Variants in SLC39A11 observed in about 807,000 individuals in gnomAD.
SLC39A11 encodes solute carrier family 39 member 11.
In SLC39A11, 33 loss-of-function variants were observed where a neutral mutation model predicts 36.1. The ratio of observed to expected loss-of-function variants is 0.91; its 90% CI spans 0.69 to 1.22. SLC39A11 has a LOEUF of 1.22. SLC39A11 is among the 50% of genes most tolerant of loss of function. SLC39A11 has a pLI of 0.00. For missense variants in SLC39A11, 432 were observed against 430.3 expected (o/e 1.00, Z -0.03); for synonymous variants, 166 against 170.3 (o/e 0.97, Z 0.20).
In SLC39A11 at chr17:73,076,980, C is replaced by T. The variant is rs376231399; in HGVS notation, c.147+7828G>A. Among the ~76,000 whole-genome samples the T allele has an allele frequency of 9.6e-4, 146 of 152,042 alleles. 5 individuals carry two copies. The South Asian group carries it at 0.026, about 27-fold the overall frequency. ...GCAGGATGTTAAGTAGCATCCCTGG[C>T]CTCTACCCACTAGATACCCACGTGG... On this transcript the variant is annotated intron_variant, in intron 3 of 9. Transcript: ENST00000255559.
rs950440375 is a variant in SLC39A11 at position 72,655,956 on chromosome 17, C to T, written c.672-6688G>A. Among the ~76,000 whole-genome samples the T allele has an allele frequency of 3.3e-5, 5 of 152,112 alleles. No homozygotes were observed. The South Asian group carries it at 6.2e-4, about 19-fold the overall frequency. On this transcript the variant is annotated intron_variant, in intron 7 of 9. Coordinates refer to ENST00000255559, the MANE Select transcript of SLC39A11 (RefSeq NM_139177.4). ...GGGCAGCCTCCCGGGGGGCTGGTGG[C>T]GTGGAGGATGCCCCAGGCTCACCAG...
At chr17:73,080,421 T>C (rs9903673) in intron 3 of SLC39A11, among the ~76,000 whole-genome samples, 45,738 of 152,082 alleles carry the variant, frequency 0.3, 7,186 homozygotes, top group Middle Eastern at 0.49. Flanking sequence ...CTGGGATCAT[T>C]GGAAAGCCAC....
chr17:72,687,966 C>T (rs559081989), intron 7 of SLC39A11, among the ~76,000 whole-genome samples: 12 of 152,318 alleles, frequency 7.9e-5, no homozygotes, highest in East Asian at 5.8e-4. Flanking sequence ...TGACAGCCAA[C>T]GACACCAGAG....
chr17:72,942,294 C>A (rs1335245640), intron 5 of SLC39A11, among the ~76,000 whole-genome samples: 5 of 151,918 alleles, frequency 3.3e-5, no homozygotes, highest in African/African-American at 1.2e-4. Context: ...TGGGCCAGGA[C>A]AAGATTTTAA....
intron 6 of SLC39A11, among the ~76,000 whole-genome samples, chr17:72,837,595 C>T (rs143865178): frequency 3.9e-5 from 6 of 152,182 alleles, no homozygotes; most frequent in Non-Finnish European, 8.8e-5. Context: ...CATAAACACA[C>T]ATAGCAGCAT....
At chr17:72,732,248 C>T (rs994434557) in intron 7 of SLC39A11, among the ~76,000 whole-genome samples, 15 of 151,622 alleles carry the variant, frequency 9.9e-5, no homozygotes, top group African/African-American at 3.4e-4. Context: ...TTCCCGACCT[C>T]GAGGGATCCG....
At chr17:73,009,542 G>A (rs149175267) in intron 4 of SLC39A11, among the ~76,000 whole-genome samples, 16 of 152,214 alleles carry the variant, frequency 1.1e-4, no homozygotes, top group African/African-American at 2.6e-4. Context: ...TTTGCCAGGC[G>A]GTGGAGAGTA....
At chr17:72,971,338 T>A (rs111802200) in intron 4 of SLC39A11, among the ~76,000 whole-genome samples, 238 of 139,338 alleles carry the variant, frequency 1.7e-3, no homozygotes, top group South Asian at 3.5e-3. Flanking sequence ...ACACACACAC[T>A]CTCTCTCTCT....
At chr17:73,044,646 G>T (rs1412650291) in intron 3 of SLC39A11, among the ~76,000 whole-genome samples, 2 of 152,240 alleles carry the variant, frequency 1.3e-5, no homozygotes, top group East Asian at 1.9e-4. Context: ...GGCCGAGGCA[G>T]GTGGATCACT....
intron 5 of SLC39A11, among the ~76,000 whole-genome samples, chr17:72,925,258 C>A (rs1330916139): frequency 6.6e-6 from 1 of 152,146 alleles, no homozygotes. Context: ...GCAACTAAAT[C>A]CAGACCTGCT....
At chr17:72,865,411 G>GAA (rs34706790) in intron 5 of SLC39A11, among the ~76,000 whole-genome samples, 1,484 of 113,182 alleles carry the variant, frequency 0.013, 41 homozygotes, top group African/African-American at 0.043. Context: ...AAAACTGCTC[G>GAA]AAAAAAAAAA....
Position 72,754,045 on chromosome 17 carries a change from TACACATACACACAC to T in SLC39A11, c.602-17340_602-17327del, listed in dbSNP as rs1163825413. 3.9e-4 allele frequency among the ~76,000 whole-genome samples: 21 copies of T among 53,270 alleles called. 1 individual carries two copies. Among genetic ancestry groups the T allele is most frequent in the African/African-American group, 1.0e-3 (17 of 16,490 alleles). The allele number at this position is 53,270 out of a possible 152,430, so 34.9% of individuals were successfully genotyped here. On this transcript the variant is annotated intron_variant, in intron 6 of 9. Coordinates refer to ENST00000255559, the MANE Select transcript of SLC39A11 (RefSeq NM_139177.4). ...GTATATATATATATATATATATATA[TACACATACACACAC>T]ACACACACACACACACACACACACA...
At chr17:72,940,005 G>C (rs536749401) in intron 5 of SLC39A11, among the ~76,000 whole-genome samples, 10 of 152,296 alleles carry the variant, frequency 6.6e-5, no homozygotes, top group Admixed American at 5.2e-4. Context: ...AAAGGTTTTG[G>C]ATTTGGGAGC....
chr17:72,895,309 G>T (rs4334356), intron 5 of SLC39A11, among the ~76,000 whole-genome samples: 93,928 of 151,986 alleles, frequency 0.62, 31,568 homozygotes, highest in African/African-American at 0.9. Flanking sequence ...CTGGGTGCGC[G>T]GGCTCACACC....
rs1325200336 is a variant in SLC39A11 at position 72,736,733 on chromosome 17, A to C, written c.602-14T>G. The C allele has an allele frequency of 6.2e-7, 1 of 1,606,496 alleles. No homozygotes were observed. Among genetic ancestry groups the C allele is most frequent in the Non-Finnish European group, 8.5e-7 (1 of 1,173,288 alleles). On this transcript the variant is annotated splice_polypyrimidine_tract_variant and intron_variant, in intron 6 of 9. Coordinates refer to ENST00000255559, the MANE Select transcript of SLC39A11 (RefSeq NM_139177.4). ...CAGCGAGACCCTCTGAAATAGATGT[A>C]AGAAAAGCAAGAGGGGTTAGGAATA...
chr17:73,068,243 G>T, intron 3 of SLC39A11: 1 of 790,836 alleles, frequency 1.3e-6, no homozygotes, highest in Non-Finnish European at 2.1e-6. Context: ...CCCTCCAGTA[G>T]CACTTGAGGG....
intron 4 of SLC39A11, among the ~76,000 whole-genome samples, chr17:72,985,538 G>A (rs550236043): frequency 1.4e-5 from 2 of 146,898 alleles, no homozygotes; most frequent in African/African-American, 2.5e-5. Flanking sequence ...TCAGCCTCCC[G>A]AGTAGCTGGG....
chr17:72,953,299 TGAA>T (rs535456337), intron 4 of SLC39A11, among the ~76,000 whole-genome samples: 9 of 151,722 alleles, frequency 5.9e-5, no homozygotes, highest in African/African-American at 7.3e-5. Context: ...AGGCAGGAGC[TGAA>T]GAAGAAGAAT....
At chr17:73,004,670 G>A (rs1227209307) in intron 4 of SLC39A11, among the ~76,000 whole-genome samples, 6 of 152,236 alleles carry the variant, frequency 3.9e-5, no homozygotes, top group South Asian at 4.1e-4. Context: ...AAGTTAAAGC[G>A]TAAGACACCT....
Sources: gnomAD v4.1 joint callset for allele counts (sites outside exome capture counted in the v4.1 genomes callset) on GRCh38, gnomAD v4.1.1 for gene constraint, MANE v1.5 for transcripts, NCBI Gene and HGNC (gene_info 2026-07-23, HGNC 2026-07-21) for gene names.